CEP295: variants seen among roughly 807,000 people sequenced by gnomAD.
CEP295 encodes centrosomal protein 295.
CEP295 carries 190 observed loss-of-function variants against 291.6 expected under a neutral mutation model. That is an observed-to-expected ratio of 0.65 (90% CI 0.58 to 0.73). The LOEUF is 0.73. CEP295 is among the 30% of genes least tolerant of loss of function. The pLI, the probability that CEP295 is intolerant of heterozygous loss-of-function variation, is 0.00. For synonymous variants in CEP295, 993 were observed against 1,038.8 expected (o/e 0.96, Z 0.85); for missense variants, 2,863 against 2,949.4 (o/e 0.97, Z 0.68).
chr11:93,728,666 A>T lies in CEP295; in HGVS notation c.7162-15A>T. 1 of 1,518,410 alleles carries T rather than the reference A, an allele frequency of 6.6e-7. No individual in the cohort carries two copies. 94.1% of individuals were successfully genotyped at this position (1,518,410 alleles called of 1,614,324 possible). A position where few individuals can be genotyped will look rare whatever the true frequency, so the allele number is the denominator to read the frequency against. On this transcript the variant is annotated splice_polypyrimidine_tract_variant and intron_variant, in intron 24 of 29. Transcript: ENST00000325212. ...GCTATTTTGACATGGTTTTCCTTTT[A>T]ATTGTGGTTCACAGGAAACAGAAAC...
chr11:93,716,647 A>C (rs1052452608), intron 18 of CEP295, among the ~76,000 whole-genome samples: 2 of 152,236 alleles, frequency 1.3e-5, no homozygotes, highest in African/African-American at 4.8e-5. Context: ...CACACTTCAC[A>C]AAAGGGGGTG....
rs879535962 is a variant in CEP295 at position 93,727,233 on chromosome 11, G to A, written c.6757G>A (p.Val2253Ile). 5 of 1,551,716 alleles carry A rather than the reference G, an allele frequency of 3.2e-6. No homozygotes were observed. The South Asian group carries it at 4.8e-5, about 15-fold the overall frequency. Reference protein sequence around the residue: ...DEANVFDQLNVQHSTPCGSNS... With the variant: ...DEANVFDQLNIQHSTPCGSNS... ...AGCTAATGTATTTGATCAGTTAAAT[G>A]TACAGCATAGCACTCCATGTGGTTC... The change falls in exon 24 of 30, where the codon GTA becomes ATA. Residue 2253 changes from valine to isoleucine, a missense_variant. By Grantham distance (29) the Val-to-Ile change is conservative (BLOSUM62 3). This residue lies in a region of CEP295 where 2,295 missense variants were observed against 2,335.7 expected (regional missense o/e 0.98). Coordinates refer to ENST00000325212, the MANE Select transcript of CEP295 (RefSeq NM_033395.2).
At chr11:93,667,581 T>C (rs754939691) in intron 2 of CEP295, 26 bp from the exon 3 acceptor site, 95 of 1,495,688 alleles carry the variant, frequency 6.4e-5, no homozygotes, top group Non-Finnish European at 8.3e-5. Context: ...TCCTTTCATA[T>C]AACCTGTTAA....
chr11:93,692,636 T>TC (rs1260113470), intron 12 of CEP295, among the ~76,000 whole-genome samples: 1 of 152,026 alleles, frequency 6.6e-6, no homozygotes, highest in East Asian at 1.9e-4. Flanking sequence ...TTTTTTTTTT[T>TC]CCTAGTAGAG....
chr11:93,689,161 C>G lies in CEP295; in HGVS notation c.1336+1296C>G, dbSNP rs192068821. ...TAGCCTGCTATCATCAGCCTTTGCA[C>G]CTCCCTGTTATTGTCTATTAACATA... is the stretch of plus-strand genomic sequence containing the variant. On this transcript the variant is annotated intron_variant, in intron 10 of 29. Coordinates refer to ENST00000325212, the MANE Select transcript of CEP295 (RefSeq NM_033395.2). 7.2e-5 allele frequency among the ~76,000 whole-genome samples: 11 copies of G among 152,292 alleles called. No homozygotes were observed. The East Asian group carries it at 1.7e-3, about 24-fold the overall frequency.
chr11:93,711,400 G>C (rs2135229661), intron 18 of CEP295, among the ~76,000 whole-genome samples: 1 of 152,282 alleles, frequency 6.6e-6, no homozygotes, highest in Non-Finnish European at 1.5e-5. Context: ...CCATGTGTTT[G>C]TATAGTTTCC....
Position 93,702,501 on chromosome 11 carries a change from G to T in CEP295, c.5316G>T (p.Lys1772Asn), listed in dbSNP as rs558386780. The change falls in exon 16 of 30, where the codon AAG becomes AAT. Residue 1772 changes from lysine to asparagine, a missense_variant. By Grantham distance (94) the Lys-to-Asn change is moderately conservative. Around this residue, in one of 3 missense-constraint regions of CEP295, gnomAD observed 2,295 missense variants for 2,335.7 expected, o/e 0.98. Transcript: ENST00000325212. ...TTGAAAATGATTTAAAAACCCAGAA[G>T]ATGGGGCAGCTCAGAGACTGGTTTC... Reference protein sequence around the residue: ...PTVENDLKTQKMGQLRDWFPN... With the variant: ...PTVENDLKTQNMGQLRDWFPN... 3.2e-6 allele frequency: 5 copies of T among 1,543,598 alleles called. No individual in the cohort carries two copies. Among genetic ancestry groups the T allele is most frequent in the Non-Finnish European group, 3.5e-6 (4 of 1,145,004 alleles).
intron 18 of CEP295, 133 bp from the exon 19 acceptor site, chr11:93,721,179 C>T: frequency 3.2e-6 from 2 of 616,160 alleles, no homozygotes; most frequent in Non-Finnish European, 5.8e-6. Flanking sequence ...TAAGACAAGA[C>T]AACTTTAAGA....
chr11:93,728,981 T>C, intron 25 of CEP295, 160 bp downstream of exon 25: 2 of 609,142 alleles, frequency 3.3e-6, no homozygotes, highest in Non-Finnish European at 5.5e-6. Context: ...CCTTCACTAT[T>C]CTGTCAACCA....
At chr11:93,704,343 A>G (rs377081560) in intron 17 of CEP295, among the ~76,000 whole-genome samples, 1 of 152,150 alleles carries the variant, frequency 6.6e-6, no homozygotes, top group Non-Finnish European at 1.5e-5. Context: ...TAAGGGAGGT[A>G]TGCCAGGTGC....
chr11:93,702,676 T>C, intron 16 of CEP295, 39 bp downstream of exon 16: 1 of 1,531,718 alleles, frequency 6.5e-7, no homozygotes, highest in South Asian at 1.2e-5. Flanking sequence ...TTTCACTGAT[T>C]ATTCCTTGTT....
At chr11:93,725,305 C>T (rs1188689198) in intron 22 of CEP295, among the ~76,000 whole-genome samples, 1 of 151,874 alleles carries the variant, frequency 6.6e-6, no homozygotes, top group African/African-American at 2.4e-5. Flanking sequence ...CCACCTGTCT[C>T]CACCTAGGGA....
At chr11:93,715,992 G>A (rs1461246286) in intron 18 of CEP295, among the ~76,000 whole-genome samples, 4 of 152,052 alleles carry the variant, frequency 2.6e-5, no homozygotes, top group African/African-American at 9.7e-5. Flanking sequence ...ACCCTAGCTG[G>A]TTTTCACTAG....
chr11:93,696,055 T>C (rs1951829140), intron 13 of CEP295, among the ~76,000 whole-genome samples: 1 of 152,156 alleles, frequency 6.6e-6, no homozygotes, highest in Non-Finnish European at 1.5e-5. Flanking sequence ...TATGAATAAA[T>C]TTGCATCAGT....
intron 1 of CEP295, among the ~76,000 whole-genome samples, chr11:93,665,770 T>C (rs999623631): frequency 1.3e-5 from 2 of 152,220 alleles, no homozygotes; most frequent in African/African-American, 4.8e-5. Context: ...GTCATTCATA[T>C]AAAAATTACG....
chr11:93,715,726 C>A (rs1953198578), intron 18 of CEP295, among the ~76,000 whole-genome samples: 1 of 151,994 alleles, frequency 6.6e-6, no homozygotes, highest in South Asian at 2.1e-4. Context: ...TGGGTCCTTC[C>A]CTTGAAGGCA....
Position 93,729,787 on chromosome 11 carries a change from T to C in CEP295, c.7567+6T>C, listed in dbSNP as rs531493988. ...TAAAGAGAAACCATCTATAAGTATGTTGAATTTTTAAAATCTTCAACCAAC... is the reference window on the plus strand; with the variant it reads ...TAAAGAGAAACCATCTATAAGTATGCTGAATTTTTAAAATCTTCAACCAAC... On this transcript the variant is annotated splice_donor_region_variant and intron_variant, in intron 27 of 29. Transcript: ENST00000325212. 4.1e-5 allele frequency: 63 copies of C among 1,537,612 alleles called. No homozygotes were observed. In the African/African-American group the frequency reaches 7.5e-4, roughly 18 times the overall value.
In CEP295 at chr11:93,721,397, G is replaced by A. The variant is rs774795496; in HGVS notation, c.5835G>A (p.Val1945=). The A allele has an allele frequency of 1.9e-6, 3 of 1,588,086 alleles. No homozygotes were observed. Among genetic ancestry groups the A allele is most frequent in the South Asian group, 2.2e-5 (2 of 89,674 alleles). The change falls in exon 19 of 30, where the codon GTG becomes GTA. Residue 1945 remains valine, a synonymous_variant. Transcript: ENST00000325212. ...AACATGCATATTTGGGTCCAACTGT[G>A]AAGCCAGATGATAAGGTTAGTAATG... ...EEEHAYLGPT[V]KPDDKAKTLS... is the part of the protein sequence containing the mutation.
chr11:93,719,250 T>TTC (rs1411549963), intron 18 of CEP295, among the ~76,000 whole-genome samples: 1 of 151,380 alleles, frequency 6.6e-6, no homozygotes, highest in African/African-American at 2.4e-5. Flanking sequence ...TTCCGGGTTT[T>TTC]TTTTTTTTTT....
Sources: gnomAD v4.1 joint callset for allele counts (sites outside exome capture counted in the v4.1 genomes callset) on GRCh38, gnomAD v4.1.1 for gene constraint, gnomAD v4.1.1 regional missense constraint, MANE v1.5 for transcripts, NCBI Gene and HGNC (gene_info 2026-07-23, HGNC 2026-07-21) for gene names.